The following ROR2 variants were observed in gnomAD, a reference collection of about 807,000 sequenced individuals.
ROR2 encodes the protein tyrosine-protein kinase transmembrane receptor ROR2.
Under a neutral mutation model 74.9 loss-of-function variants are expected in ROR2, and 33 were observed. The observed-to-expected ratio is 0.44, with a 90% CI of 0.33 to 0.59. The LOEUF is 0.59. ROR2 is among the 20% of genes least tolerant of loss of function. The probability of loss-of-function intolerance (pLI) is 0.02; values close to 1 mark genes in which losing one functional copy is unlikely to be tolerated. For missense variants in ROR2, 1,216 were observed against 1,313.8 expected (o/e 0.93, Z 1.15); for synonymous variants, 586 against 558.7 (o/e 1.05, Z -0.69).
chr9:91,849,617 T>C (rs1418223380), intron 1 of ROR2, among the ~76,000 whole-genome samples: 1 of 152,252 alleles, frequency 6.6e-6, no homozygotes, highest in East Asian at 1.9e-4. Flanking sequence ...TGTTTCATTA[T>C]GCCCTTTATT....
Position 91,723,270 on chromosome 9 carries a change from C to T in ROR2, c.*392G>A, listed in dbSNP as rs1836860559. On this transcript the variant is annotated 3_prime_UTR_variant, in exon 9 of 9. Coordinates refer to ENST00000375708, the MANE Select transcript of ROR2 (RefSeq NM_004560.4). ...AAGACCCGAGGTGCCTCCTCGCTGC[C>T]TTTTGCAGGCCCTTATTCCCAACGT... 5.4e-6 allele frequency: 1 copy of T among 186,244 alleles called. No individual in the cohort carries two copies. The highest frequency in any genetic ancestry group is 2.4e-5 in the African/African-American group (1 of 42,422). The allele number at this position is 186,244 out of a possible 1,614,324, so 11.5% of individuals were successfully genotyped here.
chr9:91,802,237 C>T (rs1343280788), intron 1 of ROR2, among the ~76,000 whole-genome samples: 1 of 148,332 alleles, frequency 6.7e-6, no homozygotes, highest in African/African-American at 2.6e-5. Context: ...CCAGGCCCGG[C>T]TAACTTTTTT....
intron 1 of ROR2, among the ~76,000 whole-genome samples, chr9:91,859,582 G>T (rs895382635): frequency 6.6e-6 from 1 of 152,082 alleles, no homozygotes; most frequent in African/African-American, 2.4e-5. Context: ...CAGCACTTTG[G>T]GAGGCAGAGG....
At chr9:91,883,442 C>T (rs1157132194) in intron 1 of ROR2, 2 of 152,174 alleles carry the variant, frequency 1.3e-5, no homozygotes, top group Non-Finnish European at 2.9e-5. Flanking sequence ...TGTAACAGCA[C>T]TGTCCAATAT....
chr9:91,723,977 C>A lies in ROR2; in HGVS notation c.2517G>T (p.Pro839=). The A allele has an allele frequency of 6.2e-7, 1 of 1,613,028 alleles. No homozygotes were observed. The highest frequency in any genetic ancestry group is 1.3e-5 in the African/African-American group (1 of 75,050). ...AYGAYLPNFY[P]VQIPMQMAPQ... is the part of the protein sequence containing the mutation. ...GGGCCATCTGCATTGGGATCTGCAC[C>A]GGGTAGAAGTTGGGCAGGTAGGCCC... Residue 839 remains proline, a synonymous_variant, in exon 9 of 9, where the codon CCG becomes CCT. Coordinates refer to ENST00000375708, the MANE Select transcript of ROR2 (RefSeq NM_004560.4).
At chr9:91,897,781 A>G (rs1007555417) in intron 1 of ROR2, among the ~76,000 whole-genome samples, 1 of 152,190 alleles carries the variant, frequency 6.6e-6, no homozygotes, top group Non-Finnish European at 1.5e-5. Flanking sequence ...TGGGATGTCC[A>G]CACCAAAGTT....
rs148644518 is a variant in ROR2, at chr9:91,724,660, C to G, written c.1834G>C (p.Val612Leu). The G allele has an allele frequency of 8.8e-5, 142 of 1,614,196 alleles. No homozygotes were observed. In the African/African-American group the frequency reaches 1.4e-3, roughly 16 times the overall value. ...TTGCGGGTGGCCAGGTCCTTGTGAACCACGTGGTGGCTGGATAGGTACTCC... is the reference window on the plus strand; with the variant it reads ...TTGCGGGTGGCCAGGTCCTTGTGAAGCACGTGGTGGCTGGATAGGTACTCC... ...GMEYLSSHHV[V>L]HKDLATRNVL... is the part of the protein sequence containing the mutation. Residue 612 changes from valine to leucine, a missense_variant, in exon 9 of 9, where the codon GTT becomes CTT. Coordinates refer to ENST00000375708, the MANE Select transcript of ROR2 (RefSeq NM_004560.4).
At chr9:91,798,749 C>T (rs565133491) in intron 1 of ROR2, among the ~76,000 whole-genome samples, 1 of 151,934 alleles carries the variant, frequency 6.6e-6, no homozygotes, top group East Asian at 1.9e-4. Flanking sequence ...GTGTGAGATG[C>T]CCCCTCTCAT....
At chr9:91,924,811 C>T (rs562398419) in intron 1 of ROR2, among the ~76,000 whole-genome samples, 40 of 152,062 alleles carry the variant, frequency 2.6e-4, no homozygotes, top group African/African-American at 9.2e-4. Flanking sequence ...ATTCAACAGA[C>T]GCGGGGCAGG....
chr9:91,879,959 G>A (rs76154865), intron 1 of ROR2, among the ~76,000 whole-genome samples: 4,438 of 152,092 alleles, frequency 0.029, 220 homozygotes, highest in African/African-American at 0.1. Context: ...CATCACAGTA[G>A]AAGTCAACAG....
At chr9:91,915,482 G>A (rs567353318) in intron 1 of ROR2, among the ~76,000 whole-genome samples, 2 of 152,254 alleles carry the variant, frequency 1.3e-5, no homozygotes, top group East Asian at 3.9e-4. Flanking sequence ...TGGGTTCGTG[G>A]TCTTCCTGAC....
At chr9:91,841,401 T>C (rs1250009825) in intron 1 of ROR2, among the ~76,000 whole-genome samples, 1 of 152,256 alleles carries the variant, frequency 6.6e-6, no homozygotes, top group Non-Finnish European at 1.5e-5. Context: ...GGTCTCGGAA[T>C]GTGGCTTCTG....
chr9:91,864,223 T>C (rs1466247707), intron 1 of ROR2, among the ~76,000 whole-genome samples: 2 of 152,220 alleles, frequency 1.3e-5, no homozygotes, highest in Non-Finnish European at 2.9e-5. Flanking sequence ...TGTTAGATTA[T>C]GTGAATTACT....
chr9:91,778,334 T>A (rs1826490228), intron 1 of ROR2, among the ~76,000 whole-genome samples: 1 of 152,246 alleles, frequency 6.6e-6, no homozygotes, highest in Non-Finnish European at 1.5e-5. Flanking sequence ...ACAACTTGCC[T>A]TGGTGGTGAC....
chr9:91,878,365 C>A (rs571256263), intron 1 of ROR2, among the ~76,000 whole-genome samples: 1 of 152,312 alleles, frequency 6.6e-6, no homozygotes, highest in Non-Finnish European at 1.5e-5. Flanking sequence ...ATGGTCAGCT[C>A]CTGAGGCCAG....
chr9:91,807,512 AAG>A (rs1281169504), intron 1 of ROR2, among the ~76,000 whole-genome samples: 6 of 152,184 alleles, frequency 3.9e-5, no homozygotes, highest in African/African-American at 1.4e-4. Flanking sequence ...AACAAACTCA[AAG>A]AGAGAGCTGT....
At chr9:91,868,192 C>T (rs75142297) in intron 1 of ROR2, among the ~76,000 whole-genome samples, 2 of 151,852 alleles carry the variant, frequency 1.3e-5, no homozygotes, top group African/African-American at 2.4e-5. Flanking sequence ...AAAGAGAAAA[C>T]TGAAAATTTT....
intron 1 of ROR2, among the ~76,000 whole-genome samples, chr9:91,799,961 T>C (rs927860276): frequency 2.0e-5 from 3 of 152,178 alleles, no homozygotes; most frequent in Non-Finnish European, 4.4e-5. Context: ...GGGAGACACA[T>C]GGGGCAGCAC....
In ROR2 at chr9:91,751,990, A is replaced by T. The variant is rs980011199; in HGVS notation, c.494+4081T>A. 2.0e-5 allele frequency among the ~76,000 whole-genome samples: 3 copies of T among 152,258 alleles called. No individual in the cohort carries two copies. The East Asian group carries it at 5.8e-4, about 29-fold the overall frequency. On this transcript the variant is annotated intron_variant, in intron 4 of 8. Transcript: ENST00000375708. ...TTTAAATACATTTATTTGAAAATTT[A>T]AAAATGACTAGTAAAAATTGCTTTT...
Sources: allele counts gnomAD v4.1 joint callset (sites outside exome capture counted in the v4.1 genomes callset), GRCh38; gene constraint gnomAD v4.1.1; transcripts MANE v1.5; gene names NCBI Gene and HGNC (gene_info 2026-07-23, HGNC 2026-07-21).